The following BAIAP2L1 variants were observed in gnomAD, a reference collection of about 807,000 sequenced individuals.
The protein encoded by BAIAP2L1 is BAR/IMD domain containing adaptor protein 2 like 1.
A neutral mutation model predicts 66.3 loss-of-function variants in BAIAP2L1; 35 were observed. That is an observed-to-expected ratio of 0.53 (90% CI 0.40 to 0.70). The LOEUF (loss-of-function observed/expected upper bound fraction) is 0.70. Ranked by LOEUF, BAIAP2L1 falls within the 30% of genes least tolerant of loss-of-function variation. The probability of loss-of-function intolerance (pLI) is 0.00; values close to 1 mark genes in which losing one functional copy is unlikely to be tolerated. For missense variants in BAIAP2L1, 622 were observed against 656.9 expected (o/e 0.95, Z 0.58); for synonymous variants, 269 against 248.7 (o/e 1.08, Z -0.77).
intron 8 of BAIAP2L1, among the ~76,000 whole-genome samples, chr7:98,311,214 T>C (rs954401965): frequency 5.9e-5 from 9 of 152,146 alleles, no homozygotes; most frequent in African/African-American, 2.2e-4. Flanking sequence ...ACTTCCTTAC[T>C]TGGGAGTAAA....
chr7:98,294,958 C>CT (rs1005607517), intron 12 of BAIAP2L1, among the ~76,000 whole-genome samples: 11 of 152,342 alleles, frequency 7.2e-5, no homozygotes, highest in Middle Eastern at 3.4e-3. Flanking sequence ...GTTTAACACT[C>CT]TTTCCTGCCT....
At chr7:98,365,142 T>C (rs1000468570) in intron 1 of BAIAP2L1, among the ~76,000 whole-genome samples, 2 of 152,054 alleles carry the variant, frequency 1.3e-5, no homozygotes, top group East Asian at 3.8e-4. Context: ...GTTCTGAAAT[T>C]GCACCATGGT....
intron 3 of BAIAP2L1, among the ~76,000 whole-genome samples, chr7:98,325,932 G>T (rs1801372149): frequency 6.6e-6 from 1 of 152,218 alleles, no homozygotes; most frequent in Admixed American, 6.5e-5. Flanking sequence ...CAGCATCTGA[G>T]AACCTGCAGT....
At chr7:98,390,211 G>C (rs548657780) in intron 1 of BAIAP2L1, among the ~76,000 whole-genome samples, 1 of 151,544 alleles carries the variant, frequency 6.6e-6, no homozygotes, top group African/African-American at 2.4e-5. Flanking sequence ...CACTGCGCCC[G>C]GTCTCGGGTT....
At chr7:98,333,734 G>A (rs968570970) in intron 3 of BAIAP2L1, among the ~76,000 whole-genome samples, 35 of 36,232 alleles carry the variant, frequency 9.7e-4, no homozygotes, top group Non-Finnish European at 1.8e-3. Context: ...TAACTACCCC[G>A]CCCACCCTCC....
intron 1 of BAIAP2L1, among the ~76,000 whole-genome samples, chr7:98,383,587 A>G (rs983127821): frequency 6.6e-6 from 1 of 151,868 alleles, no homozygotes; most frequent in Non-Finnish European, 1.5e-5. Flanking sequence ...GCGCCCGGCC[A>G]TAACTTTCAG....
intron 1 of BAIAP2L1, among the ~76,000 whole-genome samples, chr7:98,374,202 G>A (rs1040404254): frequency 6.6e-6 from 1 of 152,134 alleles, no homozygotes; most frequent in Non-Finnish European, 1.5e-5. Flanking sequence ...TCCTACCTCA[G>A]CCTCCCAAAG....
chr7:98,393,132 C>CACATGTGTACATATATATGT, intron 1 of BAIAP2L1, among the ~76,000 whole-genome samples: 1 of 71,926 alleles, frequency 1.4e-5, no homozygotes, highest in African/African-American at 5.0e-5. Flanking sequence ...TGTATATATA[C>CACATGTGTACATATATATGT]ACACATATGT....
chr7:98,368,276 G>C (rs571959378), intron 1 of BAIAP2L1, among the ~76,000 whole-genome samples: 4 of 152,006 alleles, frequency 2.6e-5, no homozygotes, highest in Non-Finnish European at 5.9e-5. Flanking sequence ...AAAAATTAGC[G>C]GGCGTGGTGG....
intron 3 of BAIAP2L1, among the ~76,000 whole-genome samples, chr7:98,338,588 C>G (rs553660463): frequency 1.3e-5 from 2 of 152,290 alleles, no homozygotes; most frequent in East Asian, 3.9e-4. Flanking sequence ...CAATAAATAG[C>G]CTTTTTATCT....
chr7:98,393,028 C>T (rs925391210), intron 1 of BAIAP2L1, among the ~76,000 whole-genome samples: 48 of 107,172 alleles, frequency 4.5e-4, no homozygotes, highest in African/African-American at 1.8e-3. Context: ...TACATACACA[C>T]ATATATATAC....
chr7:98,308,339 A>G (rs1360275970), intron 9 of BAIAP2L1: 1 of 455,736 alleles, frequency 2.2e-6, no homozygotes, highest in Non-Finnish European at 4.4e-6. Context: ...CTGGAAATGC[A>G]GTTGGTCTTG....
At chr7:98,387,302 G>A (rs1802918735) in intron 1 of BAIAP2L1, among the ~76,000 whole-genome samples, 1 of 152,102 alleles carries the variant, frequency 6.6e-6, no homozygotes, top group Non-Finnish European at 1.5e-5. Context: ...TCTCCAGCGT[G>A]GTTTCTGGTG....
rs1803356089 is a variant in BAIAP2L1, at chr7:98,400,929, G to A, written c.-77C>T. ...GCCGCCGGACTCCGGGCAGCGGGAG[G>A]GCCGGGGCGCGACTAAGGGGCTCTG... On this transcript the variant is annotated 5_prime_UTR_variant, in exon 1 of 14. Transcript: ENST00000005260. The A allele has an allele frequency of 1.0e-5, 14 of 1,399,842 alleles. No individual in the cohort carries two copies. The highest frequency in any genetic ancestry group is 1.3e-5 in the Non-Finnish European group (14 of 1,067,864). The allele number at this position is 1,399,842 out of a possible 1,614,324, so 86.7% of individuals were successfully genotyped here. A position where few individuals can be genotyped will look rare whatever the true frequency, so the allele number is the denominator to read the frequency against.
In BAIAP2L1 at chr7:98,325,400, A is replaced by G. The variant is rs1238338800; in HGVS notation, c.215-5102T>C. Among the ~76,000 whole-genome samples the G allele has an allele frequency of 3.3e-5, 5 of 152,040 alleles. 1 individual carries two copies. Among genetic ancestry groups the G allele is most frequent in the African/African-American group, 1.2e-4 (5 of 41,488 alleles). On this transcript the variant is annotated intron_variant, in intron 3 of 13. Transcript: ENST00000005260. ...TAAATAATAATAATAATTGGAGGCC[A>G]GGTGTGGTGGCTCATGCCTGTAATC...
intron 3 of BAIAP2L1, among the ~76,000 whole-genome samples, chr7:98,326,407 A>G (rs1468155411): frequency 6.6e-6 from 1 of 152,196 alleles, no homozygotes; most frequent in Non-Finnish European, 1.5e-5. Context: ...CAACGGCACC[A>G]CATCCTAATC....
intron 3 of BAIAP2L1, chr7:98,322,845 C>T (rs1335237959): frequency 6.6e-6 from 1 of 152,306 alleles, no homozygotes; most frequent in African/African-American, 2.4e-5. Context: ...CATGTCGCTC[C>T]CCTGCTCCCG....
At chr7:98,342,678 A>G (rs1206644014) in intron 3 of BAIAP2L1, among the ~76,000 whole-genome samples, 1 of 152,168 alleles carries the variant, frequency 6.6e-6, no homozygotes, top group Admixed American at 6.6e-5. Context: ...TAAACTCCCC[A>G]AAGAAAGTCT....
chr7:98,364,992 A>AAAAAAAAAAAAC (rs1802361183), intron 1 of BAIAP2L1, among the ~76,000 whole-genome samples: 1 of 130,442 alleles, frequency 7.7e-6, no homozygotes, highest in Non-Finnish European at 1.6e-5. Flanking sequence ...GTCTCAAAAA[A>AAAAAAAAAAAAC]AAAAAAAAAA....
Sources: allele counts gnomAD v4.1 joint callset (sites outside exome capture counted in the v4.1 genomes callset), GRCh38; gene constraint gnomAD v4.1.1; transcripts MANE v1.5; gene names NCBI Gene and HGNC (gene_info 2026-07-23, HGNC 2026-07-21).